Variants in TTC7B observed in about 807,000 individuals in gnomAD.
TTC7B encodes the protein tetratricopeptide repeat domain 7B.
In TTC7B, 28 loss-of-function variants were observed where a neutral mutation model predicts 106.8. The ratio of observed to expected loss-of-function variants is 0.26; its 90% CI spans 0.19 to 0.36. The LOEUF is 0.36. Among genes scored for constraint, TTC7B ranks in the 10% least tolerant of loss-of-function variants. The pLI is 1.00. For missense variants in TTC7B, 862 were observed against 1,076.4 expected, an observed-to-expected ratio of 0.80 and a Z score of 2.79; for synonymous variants, 405 against 430.6, an observed-to-expected ratio of 0.94 and a Z score of 0.74.
At chr14:90,671,113 C>T (rs920186460) in intron 9 of TTC7B, among the ~76,000 whole-genome samples, 3 of 152,152 alleles carry the variant, frequency 2.0e-5, no homozygotes, top group Non-Finnish European at 1.5e-5. Flanking sequence ...TGGCACGTAG[C>T]TCAAGGCTGG....
At chr14:90,658,804 A>G (rs1276048579) in intron 9 of TTC7B, among the ~76,000 whole-genome samples, 5 of 152,214 alleles carry the variant, frequency 3.3e-5, no homozygotes, top group African/African-American at 7.2e-5. Context: ...CAGCCCCACT[A>G]TGAGACACCA....
At chr14:90,573,444 TCAGC>T (rs1566777199) in intron 19 of TTC7B, among the ~76,000 whole-genome samples, 82 of 93,890 alleles carry the variant, frequency 8.7e-4, no homozygotes, top group Non-Finnish European at 1.4e-3. Context: ...ACGGTCCCTC[TCAGC>T]TCACGGTCCC....
Position 90,663,450 on chromosome 14 carries a change from GTT to G in TTC7B, c.1153-5065_1153-5064del, listed in dbSNP as rs66522045. The stretch of plus-strand genomic sequence containing the variant: ...ACTGTTTCAGAGACTCAGCGATATG[GTT>G]TTTTTTTTGCTGCTAATGGGGACCC... On this transcript the variant is annotated intron_variant, in intron 9 of 19. Coordinates refer to ENST00000328459, the MANE Select transcript of TTC7B (RefSeq NM_001010854.2). The surrounding 1 kb of genome is among the most constrained non-coding windows in gnomAD (Gnocchi z 4.5). 2.7e-5 allele frequency among the ~76,000 whole-genome samples: 4 copies of G among 150,120 alleles called. No homozygotes were observed. Among genetic ancestry groups the G allele is most frequent in the African/African-American group, 9.8e-5 (4 of 40,986 alleles).
intron 3 of TTC7B, among the ~76,000 whole-genome samples, chr14:90,755,936 C>T (rs1162459739): frequency 1.3e-5 from 2 of 152,232 alleles, no homozygotes; most frequent in Admixed American, 6.5e-5. Flanking sequence ...AATGATAATC[C>T]TCCTCAATTT....
rs981033670 is a variant in TTC7B at position 90,552,879 on chromosome 14, C to T, written c.2311-11290G>A. Among the ~76,000 whole-genome samples, 140 of 152,350 alleles carry T rather than the reference C, an allele frequency of 9.2e-4. 1 individual carries two copies. Among genetic ancestry groups the T allele is most frequent in the African/African-American group, 3.2e-3 (131 of 41,582 alleles). On this transcript the variant is annotated intron_variant, in intron 19 of 19. Transcript: ENST00000328459. ...AAATGTCAGAACCGAAACGGGGTGGCTGCTTCCTCACTCCCTTCAAGTTAG... is the reference window on the plus strand; with the variant it reads ...AAATGTCAGAACCGAAACGGGGTGGTTGCTTCCTCACTCCCTTCAAGTTAG...
intron 5 of TTC7B, among the ~76,000 whole-genome samples, chr14:90,722,018 T>A (rs1369119673): frequency 1.3e-5 from 2 of 152,220 alleles, no homozygotes; most frequent in Admixed American, 6.5e-5. Context: ...TCAGTTCAAC[T>A]ATTACGAAGA....
chr14:90,539,231 G>A lies in TTC7B; in HGVS notation c.*2137C>T, dbSNP rs1325523850. The A allele has an allele frequency of 1.3e-5, 2 of 152,492 alleles. No homozygotes were observed. Among genetic ancestry groups the A allele is most frequent in the Non-Finnish European group, 2.9e-5 (2 of 68,302 alleles). The allele number at this position is 152,492 out of a possible 1,614,324, so 9.4% of individuals were successfully genotyped here. Reference sequence around the variant, plus strand: ...GGAGAGGTGCCGGGCAGACACACAGGAGCCAGCCCCCGCGCCCTGCAGGGC... The same window carrying A: ...GGAGAGGTGCCGGGCAGACACACAGAAGCCAGCCCCCGCGCCCTGCAGGGC... On this transcript the variant is annotated 3_prime_UTR_variant, in exon 20 of 20. Coordinates refer to ENST00000328459, the MANE Select transcript of TTC7B (RefSeq NM_001010854.2).
At chr14:90,810,627 G>A (rs1258840084) in intron 1 of TTC7B, among the ~76,000 whole-genome samples, 1 of 152,180 alleles carries the variant, frequency 6.6e-6, no homozygotes, top group Non-Finnish European at 1.5e-5. Context: ...CTGCTCCAGC[G>A]AGTGAGGCCT....
At chr14:90,704,516 G>A (rs1274493929) in intron 5 of TTC7B, among the ~76,000 whole-genome samples, 1 of 152,234 alleles carries the variant, frequency 6.6e-6, no homozygotes, top group African/African-American at 2.4e-5. Flanking sequence ...GCAGAAGCCT[G>A]CAGTCAAACT....
chr14:90,607,299 C>T (rs533059667), intron 17 of TTC7B, among the ~76,000 whole-genome samples: 14 of 152,322 alleles, frequency 9.2e-5, no homozygotes, highest in South Asian at 4.1e-4. Context: ...GGCAGGATCT[C>T]GAAAGTGGAA....
chr14:90,779,999 A>G (rs137885976), intron 3 of TTC7B, among the ~76,000 whole-genome samples: 2 of 152,352 alleles, frequency 1.3e-5, no homozygotes, highest in Non-Finnish European at 2.9e-5. Flanking sequence ...CATGTGGCCA[A>G]CTGACCATAT....
intron 15 of TTC7B, among the ~76,000 whole-genome samples, chr14:90,636,081 T>C (rs1227108367): frequency 6.8e-6 from 1 of 147,918 alleles, no homozygotes; most frequent in African/African-American, 2.5e-5. Context: ...AGATTGTGCC[T>C]CTGCACTACA....
rs538350045 is a variant in TTC7B, at chr14:90,572,949, C to G, written c.2310+5157G>C. Among the ~76,000 whole-genome samples the G allele has an allele frequency of 3.9e-5, 6 of 152,262 alleles. 1 individual carries two copies. The highest frequency in any genetic ancestry group is 1.2e-4 in the African/African-American group (5 of 41,552). On this transcript the variant is annotated intron_variant, in intron 19 of 19. Transcript: ENST00000328459. Reference sequence around the variant, plus strand: ...TGGGCCAACTGCCTCAGCCCAACCCCTAGCCACCGCCCGTCTCTCCTCCCC... The same window carrying G: ...TGGGCCAACTGCCTCAGCCCAACCCGTAGCCACCGCCCGTCTCTCCTCCCC...
At chr14:90,760,617 C>T (rs570017193) in intron 3 of TTC7B, among the ~76,000 whole-genome samples, 1 of 152,330 alleles carries the variant, frequency 6.6e-6, no homozygotes, top group South Asian at 2.1e-4. Context: ...ATTGTAAACC[C>T]CAGGGGAAAG....
At chr14:90,745,728 G>A (rs1313134359) in intron 3 of TTC7B, among the ~76,000 whole-genome samples, 4 of 141,990 alleles carry the variant, frequency 2.8e-5, no homozygotes, top group Non-Finnish European at 6.1e-5. Flanking sequence ...TTTTGGAGAT[G>A]TAGTCTCGCT....
chr14:90,649,642 T>C (rs1320090348), intron 13 of TTC7B, among the ~76,000 whole-genome samples: 1 of 152,142 alleles, frequency 6.6e-6, no homozygotes, highest in Non-Finnish European at 1.5e-5. Context: ...GCTTCCCTTA[T>C]CAAAGCACCT....
intron 1 of TTC7B, among the ~76,000 whole-genome samples, chr14:90,790,470 C>G (rs1891547324): frequency 6.6e-6 from 1 of 152,080 alleles, no homozygotes; most frequent in African/African-American, 2.4e-5. Context: ...TAGATTTAAA[C>G]CCAAATTTGT....
intron 3 of TTC7B, among the ~76,000 whole-genome samples, chr14:90,768,126 A>G (rs993251226): frequency 1.1e-4 from 17 of 152,232 alleles, no homozygotes; most frequent in Non-Finnish European, 2.1e-4. Context: ...CATCAGAAAC[A>G]TAAGAGGCCA....
intron 15 of TTC7B, among the ~76,000 whole-genome samples, chr14:90,631,619 G>T (rs1047805932): frequency 6.6e-6 from 1 of 151,856 alleles, no homozygotes; most frequent in African/African-American, 2.4e-5. Context: ...TGTTGGCCAA[G>T]CTGGTCTCGA....
Sources: allele counts gnomAD v4.1 joint callset (sites outside exome capture counted in the v4.1 genomes callset), GRCh38; gene constraint gnomAD v4.1.1; non-coding constraint Gnocchi (gnomAD v3.1); transcripts MANE v1.5; gene names NCBI Gene and HGNC (gene_info 2026-07-23, HGNC 2026-07-21).